Variants in XRN1 observed in about 807,000 individuals in gnomAD.
XRN1 encodes 5'-3' exoribonuclease 1, also known as strand-exchange protein 1 homolog.
A neutral mutation model predicts 222.3 loss-of-function variants in XRN1; 67 were observed. That is an observed-to-expected ratio of 0.30 (90% CI 0.25 to 0.37). XRN1 has a LOEUF of 0.37. Among genes scored for constraint, XRN1 ranks in the 10% least tolerant of loss-of-function variants. The pLI is 1.00. For synonymous variants in XRN1, 643 were observed against 652.4 expected, an observed-to-expected ratio of 0.99 and a Z score of 0.22; for missense variants, 1,707 against 2,000.2, an observed-to-expected ratio of 0.85 and a Z score of 2.80.
intron 1 of XRN1, among the ~76,000 whole-genome samples, chr3:142,437,253 G>C (rs1215432398): frequency 6.6e-6 from 1 of 152,090 alleles, no homozygotes; most frequent in Non-Finnish European, 1.5e-5. Context: ...TAGTCACTGA[G>C]GTATTTTTCT....
intron 33 of XRN1, among the ~76,000 whole-genome samples, chr3:142,343,666 C>T (rs1236278247): frequency 6.6e-6 from 1 of 152,020 alleles, no homozygotes; most frequent in Non-Finnish European, 1.5e-5. Context: ...CTATGGAGAA[C>T]AATTTGGAGG....
chr3:142,435,500 C>A (rs934571355), intron 1 of XRN1: 1 of 152,092 alleles, frequency 6.6e-6, no homozygotes, highest in Admixed American at 6.5e-5. Flanking sequence ...GTGGCTCACA[C>A]CTGTAATCCC....
At chr3:142,313,011 T>A (rs2065117953) in intron 39 of XRN1, 2 of 1,131,660 alleles carry the variant, frequency 1.8e-6, no homozygotes, top group Non-Finnish European at 2.5e-6. Flanking sequence ...ACTACTAATA[T>A]CATATGCTGA....
intron 14 of XRN1, among the ~76,000 whole-genome samples, chr3:142,413,020 T>C (rs1465494710): frequency 1.3e-5 from 2 of 152,226 alleles, no homozygotes; most frequent in Non-Finnish European, 2.9e-5. Flanking sequence ...AAAAGGCATC[T>C]AGTAGTTCTC....
At chr3:142,395,598 T>C (rs2067899589) in intron 20 of XRN1, among the ~76,000 whole-genome samples, 1 of 152,182 alleles carries the variant, frequency 6.6e-6, no homozygotes, top group Admixed American at 6.5e-5. Context: ...TTCTACTGTG[T>C]CTCCACTTCT....
intron 1 of XRN1, among the ~76,000 whole-genome samples, chr3:142,439,577 G>C (rs1282400058): frequency 2.0e-5 from 3 of 152,216 alleles, no homozygotes; most frequent in African/African-American, 7.2e-5. Context: ...TGACTCCATT[G>C]AAGGCCAACT....
chr3:142,367,856 C>T (rs2066866980), intron 27 of XRN1, among the ~76,000 whole-genome samples: 1 of 151,762 alleles, frequency 6.6e-6, no homozygotes, highest in Non-Finnish European at 1.5e-5. Flanking sequence ...GATGATCCTG[C>T]ATTACTAAGA....
chr3:142,407,078 G>A (rs2068370389), intron 15 of XRN1, among the ~76,000 whole-genome samples: 1 of 152,184 alleles, frequency 6.6e-6, no homozygotes. Context: ...CATGCCTGCT[G>A]CGTAAGTATA....
chr3:142,364,276 T>C (rs993156680), intron 29 of XRN1, among the ~76,000 whole-genome samples: 6 of 152,196 alleles, frequency 3.9e-5, no homozygotes, highest in Non-Finnish European at 8.8e-5. Context: ...GGGATATATA[T>C]AGAGGAATGG....
intron 15 of XRN1, among the ~76,000 whole-genome samples, chr3:142,408,323 G>A (rs915606523): frequency 1.7e-4 from 26 of 152,156 alleles, no homozygotes; most frequent in Admixed American, 1.2e-3. Context: ...CTATACATGT[G>A]CCATTTTATT....
At chr3:142,373,486 C>G (rs1324222429) in intron 25 of XRN1, among the ~76,000 whole-genome samples, 3 of 151,864 alleles carry the variant, frequency 2.0e-5, no homozygotes, top group Non-Finnish European at 4.4e-5. Context: ...AGTTGCAAGC[C>G]TGAAAGAGCT....
intron 20 of XRN1, among the ~76,000 whole-genome samples, chr3:142,389,025 G>A (rs551372325): frequency 5.0e-4 from 76 of 152,278 alleles, no homozygotes; most frequent in African/African-American, 1.7e-3. Context: ...GACCAACCTG[G>A]CCAAAATGGC....
intron 23 of XRN1, among the ~76,000 whole-genome samples, chr3:142,379,345 C>A (rs2067234271): frequency 6.6e-6 from 1 of 152,036 alleles, no homozygotes. Flanking sequence ...GGATTCTACA[C>A]CCAGGCAAAC....
chr3:142,312,879 C>A, intron 39 of XRN1, 121 bp from the exon 40 acceptor site: 1 of 1,029,074 alleles, frequency 9.7e-7, no homozygotes, highest in East Asian at 2.5e-5. Flanking sequence ...AAAAGGCCTA[C>A]ACTTACTTCA....
chr3:142,372,023 A>G (rs776959084), intron 25 of XRN1, among the ~76,000 whole-genome samples: 2 of 152,074 alleles, frequency 1.3e-5, no homozygotes, highest in African/African-American at 2.4e-5. Context: ...AACACAGAAC[A>G]CTCTGAAAAA....
chr3:142,391,647 C>T (rs780178665), intron 20 of XRN1, among the ~76,000 whole-genome samples: 7 of 150,740 alleles, frequency 4.6e-5, no homozygotes, highest in Non-Finnish European at 1.0e-4. Flanking sequence ...GAGGATTGCT[C>T]GAACTCAGGA....
rs186593728 is a variant in XRN1 at position 142,375,370 on chromosome 3, T to C, written c.2978+428A>G. 1.1e-3 allele frequency among the ~76,000 whole-genome samples: 174 copies of C among 152,352 alleles called. 1 individual carries two copies. The highest frequency in any genetic ancestry group is 2.4e-3 in the Admixed American group (37 of 15,304). ...TTTCTCACTTTTGGTATGAGTTGAC[T>C]TGCTGATTTCCTAGATAATTTCAGC... On this transcript the variant is annotated intron_variant, in intron 25 of 40. Transcript: ENST00000392981.
intron 20 of XRN1, 30 bp downstream of exon 20, chr3:142,397,299 A>G (rs1366791662): frequency 6.5e-7 from 1 of 1,535,300 alleles, no homozygotes; most frequent in Non-Finnish European, 8.8e-7. Flanking sequence ...TTTTAGTTCC[A>G]TGATATTAAA....
intron 21 of XRN1, among the ~76,000 whole-genome samples, chr3:142,384,147 C>A (rs1423708152): frequency 6.6e-6 from 1 of 151,940 alleles, no homozygotes; most frequent in Non-Finnish European, 1.5e-5. Context: ...TGGCGGGCAC[C>A]TGTAGTCCCA....
Sources: gnomAD v4.1 joint callset for allele counts (sites outside exome capture counted in the v4.1 genomes callset) on GRCh38, gnomAD v4.1.1 for gene constraint, MANE v1.5 for transcripts, NCBI Gene and HGNC (gene_info 2026-07-23, HGNC 2026-07-21) for gene names.